The following GOLM2 variants were observed in gnomAD, a reference collection of about 807,000 sequenced individuals.
GOLM2 encodes golgi membrane protein 2, also known as protein GOLM2.
In GOLM2, 26 loss-of-function variants were observed where a neutral mutation model predicts 55.9. The observed-to-expected ratio is 0.47, with a 90% CI of 0.34 to 0.65. GOLM2 has a LOEUF of 0.65. Ranked by LOEUF, GOLM2 falls within the 30% of genes least tolerant of loss-of-function variation. GOLM2 has a pLI of 0.01. For synonymous variants in GOLM2, 165 were observed against 194.6 expected (o/e 0.85, Z 1.27); for missense variants, 486 against 531.8 (o/e 0.91, Z 0.85).
intron 8 of GOLM2, among the ~76,000 whole-genome samples, chr15:44,384,331 G>A (rs1465868670): frequency 1.3e-5 from 2 of 152,016 alleles, no homozygotes; most frequent in Non-Finnish European, 2.9e-5. Flanking sequence ...GGAATCATAC[G>A]GCCAGGCGCG....
intron 6 of GOLM2, among the ~76,000 whole-genome samples, chr15:44,362,723 C>A (rs987229827): frequency 2.6e-5 from 4 of 152,138 alleles, no homozygotes; most frequent in Non-Finnish European, 2.9e-5. Flanking sequence ...AAAAAAGAGC[C>A]CGCATCGCCA....
chr15:44,300,615 T>G (rs865863597), intron 1 of GOLM2, among the ~76,000 whole-genome samples: 1 of 152,202 alleles, frequency 6.6e-6, no homozygotes, highest in Non-Finnish European at 1.5e-5. Context: ...ACAGTTCTTA[T>G]AGTGTGGCAT....
At position 44,369,723 on chromosome 15, in the gene GOLM2, C is replaced by CACACACACACAT. The variant is rs1555425016; in HGVS notation, c.803-9966_803-9965insCACACACACATA. Among the ~76,000 whole-genome samples, 14 of 140,652 alleles carry CACACACACACAT rather than the reference C, an allele frequency of 1.0e-4. No individual in the cohort carries two copies. In the East Asian group the frequency reaches 2.7e-3, roughly 27 times the overall value. The allele number at this position is 140,652 out of a possible 152,430, so 92.3% of individuals were successfully genotyped here. On this transcript the variant is annotated intron_variant, in intron 6 of 9. Coordinates refer to ENST00000299957, the MANE Select transcript of GOLM2 (RefSeq NM_138423.4). ...ACACACACACACACACACACACACA[C>CACACACACACAT]ATATATATATAAAGGGGAGTTTATT...
At chr15:44,392,621 CAA>C (rs1348742634) in intron 8 of GOLM2, among the ~76,000 whole-genome samples, 22 of 73,210 alleles carry the variant, frequency 3.0e-4, no homozygotes, top group Admixed American at 4.7e-4. Flanking sequence ...GACTCGGTCT[CAA>C]AAAAAAAAAA....
intron 1 of GOLM2, among the ~76,000 whole-genome samples, chr15:44,311,106 A>G (rs2078872563): frequency 6.6e-6 from 1 of 152,216 alleles, no homozygotes; most frequent in Admixed American, 6.5e-5. Context: ...ACTAAAGAAT[A>G]TGGATATAAA....
chr15:44,392,688 A>G (rs2079499539), intron 8 of GOLM2, among the ~76,000 whole-genome samples: 1 of 152,154 alleles, frequency 6.6e-6, no homozygotes, highest in Admixed American at 6.6e-5. Context: ...TAAAAATTAT[A>G]TACATGATGA....
intron 6 of GOLM2, among the ~76,000 whole-genome samples, chr15:44,339,254 A>G (rs1216131755): frequency 6.6e-6 from 1 of 152,224 alleles, no homozygotes; most frequent in African/African-American, 2.4e-5. Context: ...GGACAAAAGC[A>G]ATAACATGAA....
chr15:44,337,877 C>A lies in GOLM2; in HGVS notation c.691C>A (p.Pro231Thr), dbSNP rs779485703. The change falls in exon 5 of 10, where the codon CCC becomes ACC. Residue 231 changes from proline (P) to threonine (T), a missense_variant. By Grantham distance (38) the Pro-to-Thr change is conservative. Coordinates refer to ENST00000299957, the MANE Select transcript of GOLM2 (RefSeq NM_138423.4). ...GAATGTTGCAGATAAGAATGAAGAACCCTCAAGCAATCATATTCCACATGG... is the reference window on the plus strand; with the variant it reads ...GAATGTTGCAGATAAGAATGAAGAAACCTCAAGCAATCATATTCCACATGG... ...AENVADKNEE[P>T]SSNHIPHGKE... 35 of 1,599,240 alleles carry A rather than the reference C, an allele frequency of 2.2e-5. No individual in the cohort carries two copies. Among genetic ancestry groups the A allele is most frequent in the Middle Eastern group, 3.3e-4 (2 of 6,026 alleles).
At position 44,315,917 on chromosome 15, in the gene GOLM2, A is replaced by G. The variant is rs543048827; in HGVS notation, c.328-7048A>G. ...AAAATTGTGCAAATATGGATAAAGT[A>G]TAACTTAAGGTAGGAGAGTGTGTAG... On this transcript the variant is annotated intron_variant, in intron 1 of 9. Transcript: ENST00000299957. Among the ~76,000 whole-genome samples, 21 of 152,358 alleles carry G rather than the reference A, an allele frequency of 1.4e-4. No individual in the cohort carries two copies. The South Asian group carries it at 4.1e-3, about 30-fold the overall frequency.
chr15:44,388,400 G>A (rs896019020), intron 8 of GOLM2, among the ~76,000 whole-genome samples: 3 of 152,082 alleles, frequency 2.0e-5, no homozygotes, highest in African/African-American at 7.2e-5. Flanking sequence ...AGGTGGCCTG[G>A]CACAGTGGCC....
chr15:44,365,653 A>G (rs1338349498), intron 6 of GOLM2, among the ~76,000 whole-genome samples: 1 of 152,224 alleles, frequency 6.6e-6, no homozygotes, highest in African/African-American at 2.4e-5. Flanking sequence ...ACTAAAATGC[A>G]ATTAAAAAAT....
chr15:44,401,029 C>T (rs958693648), intron 8 of GOLM2, among the ~76,000 whole-genome samples: 4 of 152,188 alleles, frequency 2.6e-5, no homozygotes, highest in African/African-American at 9.6e-5. Context: ...TCTATTTGTA[C>T]TTAACCTTTC....
At chr15:44,338,190 T>C (rs1289910094) in intron 5 of GOLM2, 47 bp from the exon 6 acceptor site, 1 of 1,544,836 alleles carries the variant, frequency 6.5e-7, no homozygotes, top group Non-Finnish European at 8.9e-7. Flanking sequence ...CATTTTCAAA[T>C]TATGTAAGAA....
intron 8 of GOLM2, chr15:44,390,280 G>A (rs763536585): frequency 2.6e-4 from 40 of 152,154 alleles, no homozygotes; most frequent in African/African-American, 9.4e-4. Flanking sequence ...AAATCCAGGC[G>A]AGGCCTACAT....
chr15:44,341,893 T>G (rs2079093028), intron 6 of GOLM2, among the ~76,000 whole-genome samples: 1 of 152,062 alleles, frequency 6.6e-6, no homozygotes, highest in South Asian at 2.1e-4. Flanking sequence ...AGACGGGGTT[T>G]CACTATCTTG....
In GOLM2 at chr15:44,413,553, T is replaced by C. The variant is rs1196627148; in HGVS notation, c.*147T>C. 6.9e-6 allele frequency: 4 copies of C among 580,984 alleles called. No individual in the cohort carries two copies. Among genetic ancestry groups the C allele is most frequent in the Non-Finnish European group, 1.2e-5 (4 of 326,856 alleles). The allele number at this position is 580,984 out of a possible 1,614,324, so 36.0% of individuals were successfully genotyped here. On this transcript the variant is annotated 3_prime_UTR_variant, in exon 10 of 10. Coordinates refer to ENST00000299957, the MANE Select transcript of GOLM2 (RefSeq NM_138423.4). ...TTAAGGAAAAACTTTAATGAAGGAA[T>C]GTACCCATGTACATATGTGAACTTT...
chr15:44,336,834 T>C (rs1348215785), intron 4 of GOLM2, among the ~76,000 whole-genome samples: 1 of 152,046 alleles, frequency 6.6e-6, no homozygotes, highest in Non-Finnish European at 1.5e-5. Flanking sequence ...GAGAATGGCA[T>C]GAACCTGGGA....
intron 6 of GOLM2, among the ~76,000 whole-genome samples, chr15:44,367,627 T>A (rs1043208192): frequency 5.9e-5 from 9 of 152,068 alleles, no homozygotes; most frequent in Admixed American, 5.9e-4. Flanking sequence ...AAACCCCATC[T>A]CTACTAAAAA....
intron 8 of GOLM2, among the ~76,000 whole-genome samples, chr15:44,388,821 ATT>A (rs78805742): frequency 7.0e-6 from 1 of 142,904 alleles, no homozygotes; most frequent in Non-Finnish European, 1.5e-5. Flanking sequence ...ATGAAAATTC[ATT>A]TTTTTTTTTT....
Sources: allele counts gnomAD v4.1 joint callset (sites outside exome capture counted in the v4.1 genomes callset), GRCh38; gene constraint gnomAD v4.1.1; transcripts MANE v1.5; gene names NCBI Gene and HGNC (gene_info 2026-07-23, HGNC 2026-07-21).